The following COX18 variants were observed in gnomAD, a reference collection of about 807,000 sequenced individuals.
COX18 encodes cytochrome c oxidase assembly protein COX18, mitochondrial.
Under a neutral mutation model 38.0 loss-of-function variants are expected in COX18, and 45 were observed. That is an observed-to-expected ratio of 1.18 (90% confidence interval 0.93 to 1.52). COX18 has a LOEUF of 1.52. COX18 is among the 40% of genes most tolerant of loss of function. The pLI is 0.00. For synonymous variants in COX18, 177 were observed against 169.8 expected (o/e 1.04, Z -0.33); for missense variants, 462 against 423.8 (o/e 1.09, Z -0.79).
In COX18 at chr4:73,057,479, A is replaced by C. The variant is rs1719951648; in HGVS notation, c.*635T>G. Reference sequence around the variant, plus strand: ...GATCCTCTTATTTTACAAAACAGTAATATGCAGTATTGTTTAGTTTAACTT... The same window carrying C: ...GATCCTCTTATTTTACAAAACAGTACTATGCAGTATTGTTTAGTTTAACTT... On this transcript the variant is annotated 3_prime_UTR_variant, in exon 6 of 6. Coordinates refer to ENST00000507544, the MANE Select transcript of COX18 (RefSeq NM_001297732.2). 6.6e-6 allele frequency: 1 copy of C among 152,168 alleles called. No homozygotes were observed. The highest frequency in any genetic ancestry group is 6.5e-5 in the Admixed American group (1 of 15,280). 9.4% of individuals were successfully genotyped at this position (152,168 alleles called of 1,614,324 possible). A position where few individuals can be genotyped will look rare whatever the true frequency, so the allele number is the denominator to read the frequency against.
chr4:73,063,107 CCAGCCTGGCCAACA>C (rs1720258425), intron 4 of COX18, among the ~76,000 whole-genome samples: 2 of 152,188 alleles, frequency 1.3e-5, no homozygotes, highest in South Asian at 4.1e-4. Flanking sequence ...GAGTTCCAGA[CCAGCCTGGCCAACA>C]TGGTAAAACC....
At chr4:73,067,864 A>AAAAAAAAAAATAT in intron 2 of COX18, among the ~76,000 whole-genome samples, 165 bp downstream of exon 2, 1 of 20,022 alleles carries the variant, frequency 5.0e-5, no homozygotes, top group African/African-American at 9.1e-5. Flanking sequence ...AAAAAAAAAA[A>AAAAAAAAAAATAT]ATATATATAT....
chr4:73,065,969 A>C (rs1720426626), intron 2 of COX18, among the ~76,000 whole-genome samples: 1 of 152,216 alleles, frequency 6.6e-6, no homozygotes, highest in Admixed American at 6.5e-5. Flanking sequence ...ACTTTTTAGA[A>C]TACAGTCTTC....
At chr4:73,058,650 G>T (rs2110046384) in intron 5 of COX18, among the ~76,000 whole-genome samples, 1 of 152,172 alleles carries the variant, frequency 6.6e-6, no homozygotes, top group South Asian at 2.1e-4. Context: ...CTGGAAGTGT[G>T]GCACTTATGA....
In COX18 at chr4:73,065,305, C is replaced by T; in HGVS notation, c.543G>A (p.Trp181Ter). Reference sequence around the variant, plus strand: ...TCCGGAGAGCAAAAGACATGAAGATCCACATTGGAAGCTGAATCCAAACCA... The same window carrying T: ...TCCGGAGAGCAAAAGACATGAAGATTCACATTGGAAGCTGAATCCAAACCA... The part of the protein sequence containing the change: ...TVLVWIQLPM[W>*]IFMSFALRNL... The change falls in exon 3 of 6, where the codon TGG (tryptophan) becomes TGA (stop). Residue 181 changes from tryptophan to a stop codon, truncating the protein, a stop_gained. Transcript: ENST00000507544. LOFTEE classifies it high-confidence loss of function. The T allele has an allele frequency of 6.2e-7, 1 of 1,613,276 alleles. No homozygotes were observed. The highest frequency in any genetic ancestry group is 8.5e-7 in the Non-Finnish European group (1 of 1,179,854).
rs373182291 is a variant in COX18, at chr4:73,069,546, C to A, written c.104G>T (p.Arg35Leu). Residue 35 changes from arginine (R) to leucine (L), a missense_variant, in exon 1 of 6, where the codon CGC becomes CTC. Arg to Leu is a moderately radical substitution (Grantham distance 102). Transcript: ENST00000507544. ...LAPVPTSGAK[R>L]PTLPVWAVAP... ...CACTGCCCACACTGGGAGAGTGGGG[C>A]GCTTGGCGCCGCTCGTAGGAACCGG... 1 of 1,572,472 alleles carries A rather than the reference C, an allele frequency of 6.4e-7. No individual in the cohort carries two copies. The highest frequency in any genetic ancestry group is 1.9e-5 in the Admixed American group (1 of 53,460).
chr4:73,058,321 A>G, intron 5 of COX18, 34 bp from the exon 6 acceptor site: 1 of 1,495,108 alleles, frequency 6.7e-7, no homozygotes. Context: ...TAGCATCTGT[A>G]ATTCTACAAG....
Position 73,067,948 on chromosome 4 carries a change from TTATG to T in COX18, c.434+77_434+80del, listed in dbSNP as rs1340154624. 1.2e-4 allele frequency: 87 copies of T among 706,466 alleles called. 1 individual carries two copies. The highest frequency in any genetic ancestry group is 5.7e-4 in the African/African-American group (19 of 33,184). The allele number at this position is 706,466 out of a possible 1,614,324, so 43.8% of individuals were successfully genotyped here. A position where few individuals can be genotyped will look rare whatever the true frequency, so the allele number is the denominator to read the frequency against. ...TCAAACTTATAATTAACATCACAAT[TTATG>T]TATGTGTGTGTGTGTGTGTGTGTGT... is the stretch of plus-strand genomic sequence containing the variant. On this transcript the variant is annotated intron_variant, in intron 2 of 5. Transcript: ENST00000507544.
Position 73,069,547 on chromosome 4 carries a change from G to T in COX18, c.103C>A (p.Arg35Ser). ...ACTGCCCACACTGGGAGAGTGGGGCGCTTGGCGCCGCTCGTAGGAACCGGC... is the reference window on the plus strand; with the variant it reads ...ACTGCCCACACTGGGAGAGTGGGGCTCTTGGCGCCGCTCGTAGGAACCGGC... ...LAPVPTSGAKRPTLPVWAVAP... is the reference protein window; with the variant it reads ...LAPVPTSGAKSPTLPVWAVAP... Residue 35 changes from arginine to serine, a missense_variant, in exon 1 of 6, where the codon CGC (arginine) becomes AGC (serine). Arg to Ser is a moderately radical substitution (Grantham distance 110, BLOSUM62 -1). Transcript: ENST00000507544. 4 of 1,572,644 alleles carry T rather than the reference G, an allele frequency of 2.5e-6. No individual in the cohort carries two copies. The highest frequency in any genetic ancestry group is 3.4e-6 in the Non-Finnish European group (4 of 1,159,608).
intron 4 of COX18, among the ~76,000 whole-genome samples, chr4:73,064,464 T>C (rs1720329612): frequency 6.6e-6 from 1 of 152,204 alleles, no homozygotes; most frequent in Non-Finnish European, 1.5e-5. Context: ...TACAACCAGA[T>C]TGACTGGGCA....
At chr4:73,059,589 T>C (rs764600604) in intron 5 of COX18, among the ~76,000 whole-genome samples, 12 of 152,348 alleles carry the variant, frequency 7.9e-5, no homozygotes, top group South Asian at 6.2e-4. Flanking sequence ...CTATCACTTA[T>C]AGCTAAGTGA....
intron 3 of COX18, 75 bp downstream of exon 3, chr4:73,065,171 GCTTT>G (rs1720373373): frequency 8.7e-6 from 8 of 914,646 alleles, no homozygotes; most frequent in East Asian, 2.7e-5. Context: ...TGAAAAGTAT[GCTTT>G]TTTTTTTTTT....
intron 2 of COX18, 97 bp from the exon 3 acceptor site, chr4:73,065,510 T>A: frequency 9.5e-7 from 1 of 1,056,268 alleles, no homozygotes; most frequent in Non-Finnish European, 1.4e-6. Context: ...CTGTAGTTAT[T>A]AGCTAAAGGA....
In COX18 at chr4:73,056,056, G is replaced by T. The variant is rs900561332; in HGVS notation, c.*2058C>A. 1.3e-5 allele frequency: 2 copies of T among 152,024 alleles called. No individual in the cohort carries two copies. The highest frequency in any genetic ancestry group is 4.8e-5 in the African/African-American group (2 of 41,388). 9.4% of individuals were successfully genotyped at this position (152,024 alleles called of 1,614,324 possible). On this transcript the variant is annotated 3_prime_UTR_variant, in exon 6 of 6. Coordinates refer to ENST00000507544, the MANE Select transcript of COX18 (RefSeq NM_001297732.2). The stretch of plus-strand genomic sequence containing the variant: ...TAAGCAGGTGAACTAAAATTTAAGA[G>T]ACATCAATCAAAGAAATGACTAATG...
At chr4:73,067,987 TG>T in intron 2 of COX18, 41 bp downstream of exon 2, 1 of 1,050,556 alleles carries the variant, frequency 9.5e-7, no homozygotes, top group Non-Finnish European at 1.5e-6. Flanking sequence ...TGTGTGTGTG[TG>T]TATGTGTGCG....
In COX18 at chr4:73,065,335, A is replaced by G. The variant is rs563876709; in HGVS notation, c.513T>C (p.Thr171=). 15 of 1,613,880 alleles carry G rather than the reference A, an allele frequency of 9.3e-6. No individual in the cohort carries two copies. Among genetic ancestry groups the G allele is most frequent in the Admixed American group, 1.7e-5 (1 of 60,006 alleles). ...VRDNCHPFKA[T]VLVWIQLPMW... ...TTGGAAGCTGAATCCAAACCAACAC[A>G]GTGGCTTTGAAAGGGTGGCAGTTAT... The change falls in exon 3 of 6, where the codon ACT becomes ACC. Residue 171 remains threonine, a synonymous_variant. Transcript: ENST00000507544.
At chr4:73,068,734 T>G (rs1720595831) in intron 1 of COX18, 1 of 153,202 alleles carries the variant, frequency 6.5e-6, no homozygotes, top group Non-Finnish European at 1.5e-5. Flanking sequence ...ATTATCTGAC[T>G]TGCTCTGATA....
intron 5 of COX18, among the ~76,000 whole-genome samples, chr4:73,060,491 A>C (rs990310485): frequency 6.6e-6 from 1 of 152,200 alleles, no homozygotes; most frequent in African/African-American, 2.4e-5. Context: ...GAGATGAACA[A>C]ACTTATTCTG....
chr4:73,065,196 TAGTACAAAGACAATG>T, intron 3 of COX18, 39 bp downstream of exon 3: 2 of 1,183,500 alleles, frequency 1.7e-6, no homozygotes, highest in African/African-American at 1.5e-5. Flanking sequence ...TTTTTTTTTT[TAGTACAAAGACAATG>T]TTAGAGAACT....
Sources: gnomAD v4.1 joint callset for allele counts (sites outside exome capture counted in the v4.1 genomes callset) on GRCh38, gnomAD v4.1.1 for gene constraint, MANE v1.5 for transcripts, NCBI Gene and HGNC (gene_info 2026-07-23, HGNC 2026-07-21) for gene names.